Variants in UBE2E2 observed in about 807,000 individuals in gnomAD.
UBE2E2 encodes ubiquitin-conjugating enzyme E2 E2.
UBE2E2 carries 6 observed loss-of-function variants against 24.7 expected under a neutral mutation model. The ratio of observed to expected loss-of-function variants is 0.24; its 90% CI spans 0.13 to 0.48. UBE2E2 has a LOEUF of 0.48. Ranked by LOEUF, UBE2E2 falls within the 20% of genes least tolerant of loss-of-function variation. UBE2E2 has a pLI of 0.99. For synonymous variants in UBE2E2, 104 were observed against 83.6 expected (o/e 1.24, Z -1.33); for missense variants, 169 against 245.0 (o/e 0.69, Z 2.07).
chr3:23,222,446 C>T (rs1054563590), intron 3 of UBE2E2, among the ~76,000 whole-genome samples: 8 of 152,022 alleles, frequency 5.3e-5, no homozygotes, highest in African/African-American at 1.2e-4. Context: ...GAGGGACTGG[C>T]GGGAGATAAT....
At chr3:23,403,633 C>T (rs1270186946) in intron 3 of UBE2E2, among the ~76,000 whole-genome samples, 1 of 152,096 alleles carries the variant, frequency 6.6e-6, no homozygotes, top group Non-Finnish European at 1.5e-5. Context: ...CCAGCCTGGT[C>T]AACATGGTGA....
At chr3:23,299,153 A>G (rs1699000961) in intron 3 of UBE2E2, among the ~76,000 whole-genome samples, 2 of 152,108 alleles carry the variant, frequency 1.3e-5, no homozygotes, top group East Asian at 1.9e-4. Context: ...ATCATTTTTT[A>G]TTGCATCTAT....
chr3:23,259,998 G>A (rs1363152460), intron 3 of UBE2E2, among the ~76,000 whole-genome samples: 1 of 152,130 alleles, frequency 6.6e-6, no homozygotes, highest in Non-Finnish European at 1.5e-5. Context: ...AAATTGAAAT[G>A]TTGTTATCCC....
intron 3 of UBE2E2, among the ~76,000 whole-genome samples, chr3:23,396,671 C>G (rs1014454848): frequency 6.6e-6 from 1 of 152,038 alleles, no homozygotes; most frequent in African/African-American, 2.4e-5. Context: ...ACCTTTCTGT[C>G]TCTCTGTTTC....
chr3:23,230,596 C>T (rs760306028), intron 3 of UBE2E2, among the ~76,000 whole-genome samples: 3 of 151,924 alleles, frequency 2.0e-5, no homozygotes, highest in Admixed American at 1.3e-4. Context: ...ACCAGCCTGA[C>T]GAACATGGTG....
intron 3 of UBE2E2, among the ~76,000 whole-genome samples, chr3:23,226,887 AAG>A (rs553747115): frequency 6.6e-6 from 1 of 152,018 alleles, no homozygotes; most frequent in Non-Finnish European, 1.5e-5. Flanking sequence ...GAAAGATATA[AAG>A]AGTTTGGGAA....
At chr3:23,447,660 G>A (rs1698465887) in intron 3 of UBE2E2, among the ~76,000 whole-genome samples, 1 of 152,006 alleles carries the variant, frequency 6.6e-6, no homozygotes, top group Non-Finnish European at 1.5e-5. Flanking sequence ...TTCTTTTTTT[G>A]TTCATGTAAT....
intron 1 of UBE2E2, among the ~76,000 whole-genome samples, chr3:23,208,333 A>G (rs1696209098): frequency 6.6e-6 from 1 of 152,200 alleles, no homozygotes; most frequent in African/African-American, 2.4e-5. Flanking sequence ...TGTAGCATGT[A>G]GACACAGTAC....
intron 3 of UBE2E2, among the ~76,000 whole-genome samples, chr3:23,257,389 C>G (rs1241763379): frequency 6.6e-6 from 1 of 151,736 alleles, no homozygotes; most frequent in South Asian, 2.1e-4. Context: ...CTGCTTCTGC[C>G]TAAGGGCCAA....
intron 3 of UBE2E2, among the ~76,000 whole-genome samples, chr3:23,257,512 G>GCCCCCCCCCCCCCCC (rs5847227): frequency 6.4e-5 from 2 of 31,148 alleles, no homozygotes; most frequent in Admixed American, 7.9e-4. Flanking sequence ...TGTTTCCCGT[G>GCCCCCCCCCCCCCCC]CCCCCCCCCC....
chr3:23,549,650 G>C (rs1054563790), intron 5 of UBE2E2, among the ~76,000 whole-genome samples: 1 of 152,100 alleles, frequency 6.6e-6, no homozygotes, highest in African/African-American at 2.4e-5. Flanking sequence ...CACTTTGAAG[G>C]CTATGAGTAT....
At chr3:23,278,291 C>T (rs1235205578) in intron 3 of UBE2E2, among the ~76,000 whole-genome samples, 2 of 151,884 alleles carry the variant, frequency 1.3e-5, no homozygotes, top group African/African-American at 4.8e-5. Context: ...TTAAGTACAC[C>T]GTCATCTCTG....
At chr3:23,375,890 G>A (rs1203603992) in intron 3 of UBE2E2, among the ~76,000 whole-genome samples, 1 of 152,000 alleles carries the variant, frequency 6.6e-6, no homozygotes, top group Non-Finnish European at 1.5e-5. Context: ...TAGTGCATAA[G>A]GCAAAAATTA....
rs565028636 is a variant in UBE2E2, at chr3:23,474,002, A to G, written c.228-25606A>G. Among the ~76,000 whole-genome samples the G allele has an allele frequency of 1.8e-3, 275 of 152,190 alleles. 4 individuals carry two copies. Among genetic ancestry groups the G allele is most frequent in the African/African-American group, 6.2e-3 (257 of 41,434 alleles). Reference sequence around the variant, plus strand: ...CACACATTTCCATACTGGTTGTACCAGTTTACATTCCCACCAGCAGTGTAG... The same window carrying G: ...CACACATTTCCATACTGGTTGTACCGGTTTACATTCCCACCAGCAGTGTAG... On this transcript the variant is annotated intron_variant, in intron 3 of 5. Transcript: ENST00000396703. This position sits in a 1 kb window ranked among gnomAD's most constrained non-coding sequence, Gnocchi z 4.0.
chr3:23,359,208 A>G (rs1216799329), intron 3 of UBE2E2, among the ~76,000 whole-genome samples: 2 of 152,058 alleles, frequency 1.3e-5, no homozygotes, highest in East Asian at 1.9e-4. Context: ...TTTCAGGATC[A>G]TTTCCCTACT....
chr3:23,512,336 G>A (rs540087312), intron 4 of UBE2E2, among the ~76,000 whole-genome samples: 1 of 151,914 alleles, frequency 6.6e-6, no homozygotes, highest in African/African-American at 2.4e-5. Flanking sequence ...TCCCACCTCA[G>A]CCTCCCAAGT....
chr3:23,235,581 T>C (rs1697082777), intron 3 of UBE2E2, among the ~76,000 whole-genome samples: 1 of 152,114 alleles, frequency 6.6e-6, no homozygotes, highest in Non-Finnish European at 1.5e-5. Context: ...AAAGAGTAGA[T>C]GCTGACAGTC....
chr3:23,576,251 T>G (rs1319435357), intron 5 of UBE2E2, among the ~76,000 whole-genome samples: 1 of 152,146 alleles, frequency 6.6e-6, no homozygotes, highest in Non-Finnish European at 1.5e-5. Flanking sequence ...TAATTATTTC[T>G]CTCATTTTAA....
intron 3 of UBE2E2, among the ~76,000 whole-genome samples, chr3:23,366,753 C>G (rs1232410911): frequency 6.6e-6 from 1 of 151,848 alleles, no homozygotes; most frequent in Non-Finnish European, 1.5e-5. Flanking sequence ...GCACGTGTAC[C>G]TCTGAACCTA....
Sources: gnomAD v4.1 joint callset for allele counts (sites outside exome capture counted in the v4.1 genomes callset) on GRCh38, gnomAD v4.1.1 for gene constraint, Gnocchi (gnomAD v3.1) non-coding constraint, MANE v1.5 for transcripts, NCBI Gene and HGNC (gene_info 2026-07-23, HGNC 2026-07-21) for gene names.